Variants in CTTNBP2 observed in about 807,000 individuals in gnomAD.
CTTNBP2 encodes cortactin binding protein 2, also known as cortactin-binding protein 2.
In CTTNBP2, 108 loss-of-function variants were observed where a neutral mutation model predicts 156.9. That is an observed-to-expected ratio of 0.69 (90% CI 0.59 to 0.81). The LOEUF (loss-of-function observed/expected upper bound fraction) is 0.81. CTTNBP2 is among the 30% of genes least tolerant of loss of function. CTTNBP2 has a pLI of 0.00. For missense variants in CTTNBP2, 1,924 were observed against 2,035.4 expected (o/e 0.95, Z 1.05); for synonymous variants, 767 against 751.8 (o/e 1.02, Z -0.33).
intron 1 of CTTNBP2, chr7:117,872,154 T>A (rs1804652986): frequency 6.1e-6 from 1 of 164,074 alleles, no homozygotes; most frequent in Admixed American, 6.5e-5. Context: ...CTCCTTCCAT[T>A]GCCAGGCTCA....
chr7:117,821,000 T>C (rs1185838744), intron 2 of CTTNBP2, among the ~76,000 whole-genome samples: 5 of 152,194 alleles, frequency 3.3e-5, no homozygotes, highest in Non-Finnish European at 7.3e-5. Flanking sequence ...TTTATGCTAC[T>C]GCAAAGAAAT....
intron 16 of CTTNBP2, among the ~76,000 whole-genome samples, chr7:117,731,326 G>A (rs543159744): frequency 2.6e-5 from 4 of 152,160 alleles, no homozygotes; most frequent in Non-Finnish European, 5.9e-5. Context: ...AGGGAAAGCC[G>A]GGCATTTGGA....
chr7:117,844,304 G>A (rs907630916), intron 2 of CTTNBP2, among the ~76,000 whole-genome samples: 3 of 152,148 alleles, frequency 2.0e-5, no homozygotes, highest in East Asian at 1.9e-4. Flanking sequence ...AAGCCAGGAC[G>A]TTTGTGATAA....
chr7:117,826,487 A>G (rs2117053621), intron 2 of CTTNBP2, among the ~76,000 whole-genome samples: 1 of 152,256 alleles, frequency 6.6e-6, no homozygotes, highest in East Asian at 1.9e-4. Flanking sequence ...TTATTAATAA[A>G]TGTTTTTCAG....
At position 117,861,351 on chromosome 7, in the gene CTTNBP2, C is replaced by A. The variant is rs779912441; in HGVS notation, c.82-35G>T. The A allele has an allele frequency of 2.0e-6, 3 of 1,470,762 alleles. No homozygotes were observed. The East Asian group carries it at 7.0e-5, about 34-fold the overall frequency. 91.1% of individuals were successfully genotyped at this position (1,470,762 alleles called of 1,614,324 possible). A position where few individuals can be genotyped will look rare whatever the true frequency, so the allele number is the denominator to read the frequency against. ...ATAAAAAAATAAGGCCATGAAAAAT[C>A]TTTTCCTAAGGAAGACACACACATC... On this transcript the variant is annotated intron_variant, in intron 1 of 22. Transcript: ENST00000160373.
At chr7:117,864,776 ATATATTCATATATATTCATTC>A (rs1213162741) in intron 1 of CTTNBP2, among the ~76,000 whole-genome samples, 906 of 134,910 alleles carry the variant, frequency 6.7e-3, no homozygotes, top group South Asian at 9.9e-3. Context: ...TTCATTCAAT[ATATATTCATATATATTCATTC>A]TATATTCATA....
At chr7:117,746,631 G>T (rs997034381) in intron 12 of CTTNBP2, among the ~76,000 whole-genome samples, 3 of 152,112 alleles carry the variant, frequency 2.0e-5, no homozygotes, top group African/African-American at 7.2e-5. Context: ...GTGTGTGTGT[G>T]TATGTTTAAA....
intron 2 of CTTNBP2, among the ~76,000 whole-genome samples, chr7:117,818,698 A>T (rs1800770603): frequency 1.3e-5 from 2 of 152,214 alleles, no homozygotes; most frequent in South Asian, 4.1e-4. Flanking sequence ...AAAGGATCTG[A>T]AAACAAGACT....
intron 17 of CTTNBP2, among the ~76,000 whole-genome samples, chr7:117,725,737 G>C (rs1024126653): frequency 6.6e-6 from 1 of 152,108 alleles, no homozygotes; most frequent in Non-Finnish European, 1.5e-5. Flanking sequence ...ACCCAGGCTG[G>C]AGTGCCAAGG....
chr7:117,735,523 G>T, intron 14 of CTTNBP2, 102 bp from the exon 15 acceptor site: 1 of 946,996 alleles, frequency 1.1e-6, no homozygotes, highest in Non-Finnish European at 1.6e-6. Flanking sequence ...TAGCAAAGAT[G>T]TGGTATAATG....
intron 3 of CTTNBP2, among the ~76,000 whole-genome samples, chr7:117,804,240 A>G (rs910782807): frequency 2.0e-5 from 3 of 152,252 alleles, no homozygotes; most frequent in African/African-American, 7.2e-5. Flanking sequence ...TGGGATTACA[A>G]GTGTGAGCCA....
intron 12 of CTTNBP2, among the ~76,000 whole-genome samples, chr7:117,749,676 G>C (rs1433134608): frequency 6.6e-6 from 1 of 152,054 alleles, no homozygotes; most frequent in African/African-American, 2.4e-5. Flanking sequence ...AAGGATAAAT[G>C]CCCAATTTTC....
intron 8 of CTTNBP2, among the ~76,000 whole-genome samples, 179 bp downstream of exon 8, chr7:117,777,332 C>A (rs1287716604): frequency 1.3e-5 from 2 of 152,138 alleles, no homozygotes; most frequent in African/African-American, 2.4e-5. Context: ...GTCTCTTATA[C>A]CCTTGACCAT....
At chr7:117,719,286 G>A (rs531017527) in intron 21 of CTTNBP2, among the ~76,000 whole-genome samples, 79 of 152,304 alleles carry the variant, frequency 5.2e-4, no homozygotes, top group African/African-American at 1.9e-3. Flanking sequence ...TTCAGGTCTT[G>A]GAGGAGTTTG....
intron 2 of CTTNBP2, among the ~76,000 whole-genome samples, chr7:117,826,988 A>T (rs1221381855): frequency 6.6e-6 from 1 of 151,912 alleles, no homozygotes; most frequent in Non-Finnish European, 1.5e-5. Flanking sequence ...CAGCCTCAGT[A>T]ACTGGGATTG....
At chr7:117,721,984 T>C (rs956977142) in intron 19 of CTTNBP2, among the ~76,000 whole-genome samples, 1 of 152,232 alleles carries the variant, frequency 6.6e-6, no homozygotes, top group African/African-American at 2.4e-5. Flanking sequence ...CTCTAAAGAA[T>C]GTTTTGGAAA....
intron 8 of CTTNBP2, among the ~76,000 whole-genome samples, 168 bp from the exon 9 acceptor site, chr7:117,767,344 T>C (rs1331887077): frequency 2.0e-5 from 3 of 152,126 alleles, no homozygotes; most frequent in Non-Finnish European, 4.4e-5. Flanking sequence ...AACTAAACAA[T>C]GTCTAGAAAT....
At chr7:117,724,083 C>T (rs927102597) in intron 19 of CTTNBP2, among the ~76,000 whole-genome samples, 9 of 152,004 alleles carry the variant, frequency 5.9e-5, no homozygotes, top group Admixed American at 2.0e-4. Flanking sequence ...TAAAACCCAG[C>T]ACATGGTACA....
chr7:117,788,790 C>T (rs1028076762), intron 4 of CTTNBP2, among the ~76,000 whole-genome samples: 1 of 152,150 alleles, frequency 6.6e-6, no homozygotes, highest in Non-Finnish European at 1.5e-5. Flanking sequence ...TGCTGAATGA[C>T]TCAAGGCCTC....
Sources: gnomAD v4.1 joint callset for allele counts (sites outside exome capture counted in the v4.1 genomes callset) on GRCh38, gnomAD v4.1.1 for gene constraint, MANE v1.5 for transcripts, NCBI Gene and HGNC (gene_info 2026-07-23, HGNC 2026-07-21) for gene names.